TIE1: variants seen among roughly 807,000 people sequenced by gnomAD.
The protein encoded by TIE1 is tyrosine-protein kinase receptor Tie-1.
TIE1 carries 89 observed loss-of-function variants against 130.5 expected under a neutral mutation model. The observed-to-expected ratio is 0.68, with a 90% confidence interval of 0.57 to 0.81. The LOEUF is 0.81. Among genes scored for constraint, TIE1 ranks in the 40% least tolerant of loss-of-function variants. The probability of loss-of-function intolerance (pLI) is 0.00; values close to 1 mark genes in which losing one functional copy is unlikely to be tolerated. For missense variants in TIE1, 1,392 were observed against 1,559.8 expected (o/e 0.89, Z 1.81); for synonymous variants, 568 against 629.4 (o/e 0.90, Z 1.46).
chr1:43,311,141 T>C (rs550893140), intron 9 of TIE1, among the ~76,000 whole-genome samples: 1 of 152,192 alleles, frequency 6.6e-6, no homozygotes, highest in East Asian at 1.9e-4. Flanking sequence ...CTCCTTCTAG[T>C]TGTGTGTCCT....
At chr1:43,301,872 G>GA (rs1646674298) in intron 1 of TIE1, among the ~76,000 whole-genome samples, 1 of 151,920 alleles carries the variant, frequency 6.6e-6, no homozygotes, top group East Asian at 1.9e-4. Flanking sequence ...CATCTAAAAA[G>GA]AAAAAAAGAT....
chr1:43,320,046 G>A, intron 19 of TIE1: 1 of 188,850 alleles, frequency 5.3e-6, no homozygotes, highest in Non-Finnish European at 1.1e-5. Context: ...TGCCTGCATG[G>A]CTCACTGCTT....
Position 43,319,751 on chromosome 1 carries a change from G to A in TIE1, c.3107+222G>A. The A allele has an allele frequency of 1.7e-6, 1 of 577,990 alleles. No individual in the cohort carries two copies. The allele number at this position is 577,990 out of a possible 1,614,324, so 35.8% of individuals were successfully genotyped here. ...CAGGAATAGGACTGGGGTAAAGGTA[G>A]TTTCGGATTATGTTTGTGTAAGTGA... is the stretch of plus-strand genomic sequence containing the variant. On this transcript the variant is annotated intron_variant, in intron 19 of 22. Coordinates refer to ENST00000372476, the MANE Select transcript of TIE1 (RefSeq NM_005424.5). The surrounding 1 kb of genome is among the most constrained non-coding windows in gnomAD (Gnocchi z 4.7).
chr1:43,321,707 G>A lies in TIE1; in HGVS notation c.3337G>A (p.Ala1113Thr). ...GCTACAGCTAGGCCGCATGCTGGAA[G>A]CCAGGAAGGTGAGGAGACTGGGGCT... ...IALQLGRMLEARKAYVNMSLF... is the reference protein window; with the variant it reads ...IALQLGRMLETRKAYVNMSLF... Residue 1113 changes from alanine to threonine, a missense_variant, in exon 22 of 23, where the codon GCC (alanine) becomes ACC (threonine). This residue lies in a region of TIE1 where 104 missense variants were observed against 129.3 expected (regional missense o/e 0.80). Transcript: ENST00000372476. 1 of 1,552,402 alleles carries A rather than the reference G, an allele frequency of 6.4e-7. No individual in the cohort carries two copies. The highest frequency in any genetic ancestry group is 8.7e-7 in the Non-Finnish European group (1 of 1,147,356).
chr1:43,303,326 G>T (rs1646688925), intron 1 of TIE1, among the ~76,000 whole-genome samples: 1 of 152,122 alleles, frequency 6.6e-6, no homozygotes, highest in Non-Finnish European at 1.5e-5. Flanking sequence ...AACTGGGGGA[G>T]TGGGCGAGCT....
chr1:43,317,459 C>A lies in TIE1; in HGVS notation c.2620+50C>A, dbSNP rs1172590664. ...AGCCCTGATGCTCTCCTTTGTCCCACAAATCCCAGGCCCCACCTGGCTTCC... is the reference window on the plus strand; with the variant it reads ...AGCCCTGATGCTCTCCTTTGTCCCAAAAATCCCAGGCCCCACCTGGCTTCC... On this transcript the variant is annotated intron_variant, in intron 15 of 22. Coordinates refer to ENST00000372476, the MANE Select transcript of TIE1 (RefSeq NM_005424.5). This position sits in a 1 kb window ranked among gnomAD's most constrained non-coding sequence, Gnocchi z 5.1. 1 of 1,612,206 alleles carries A rather than the reference C, an allele frequency of 6.2e-7. No homozygotes were observed.
intron 1 of TIE1, among the ~76,000 whole-genome samples, chr1:43,303,990 A>C (rs1488126230): frequency 6.6e-6 from 1 of 152,224 alleles, no homozygotes; most frequent in Non-Finnish European, 1.5e-5. Flanking sequence ...TTTGGAAGGC[A>C]AACAAAGACC....
At position 43,309,140 on chromosome 1, in the gene TIE1, C is replaced by G. The variant is rs1646763042; in HGVS notation, c.1188+9C>G. 1 of 1,580,276 alleles carries G rather than the reference C, an allele frequency of 6.3e-7. No individual in the cohort carries two copies. The highest frequency in any genetic ancestry group is 1.3e-5 in the African/African-American group (1 of 74,474). On this transcript the variant is annotated intron_variant, in intron 8 of 22. Transcript: ENST00000372476. This position sits in a 1 kb window ranked among gnomAD's most constrained non-coding sequence, Gnocchi z 6.3. Reference sequence around the variant, plus strand: ...ACGGCACTGTGCTCCTGGTCAGCCCCCAATCACCCCAACCCACCAGCCCCT... The same window carrying G: ...ACGGCACTGTGCTCCTGGTCAGCCCGCAATCACCCCAACCCACCAGCCCCT...
Position 43,312,166 on chromosome 1 carries a change from C to CA in TIE1, c.1630+37dup. 1 of 1,516,520 alleles carries CA rather than the reference C, an allele frequency of 6.6e-7. No individual in the cohort carries two copies. Among genetic ancestry groups the CA allele is most frequent in the Non-Finnish European group, 8.8e-7 (1 of 1,131,970 alleles). The allele number at this position is 1,516,520 out of a possible 1,614,324, so 93.9% of individuals were successfully genotyped here. ...CAAGAGTCATCCCTTCCTGTCCCCC[C>CA]AAGGGTTACTTTCCCGTCGACCCCA... On this transcript the variant is annotated intron_variant, in intron 11 of 22. Transcript: ENST00000372476. This position sits in a 1 kb window ranked among gnomAD's most constrained non-coding sequence, Gnocchi z 5.6.
Position 43,319,941 on chromosome 1 carries a change from T to C in TIE1, c.3107+412T>C. 1 of 256,728 alleles carries C rather than the reference T, an allele frequency of 3.9e-6. No individual in the cohort carries two copies. Among genetic ancestry groups the C allele is most frequent in the East Asian group, 9.8e-5 (1 of 10,254 alleles). The allele number at this position is 256,728 out of a possible 1,614,324, so 15.9% of individuals were successfully genotyped here. On this transcript the variant is annotated intron_variant, in intron 19 of 22. Transcript: ENST00000372476. The surrounding 1 kb of genome is among the most constrained non-coding windows in gnomAD (Gnocchi z 4.7). Reference sequence around the variant, plus strand: ...CCCAAGACTCCCTCTCTGTGCCCCCTCCCCTGCAGACAGCCCTCTTGGCAC... The same window carrying C: ...CCCAAGACTCCCTCTCTGTGCCCCCCCCCCTGCAGACAGCCCTCTTGGCAC...
At position 43,322,964 on chromosome 1, in the gene TIE1, T is replaced by A; in HGVS notation, c.*242T>A. 2 of 516,906 alleles carry A rather than the reference T, an allele frequency of 3.9e-6. No homozygotes were observed. The highest frequency in any genetic ancestry group is 5.1e-5 in the South Asian group (2 of 39,442). The allele number at this position is 516,906 out of a possible 1,614,324, so 32.0% of individuals were successfully genotyped here. On this transcript the variant is annotated 3_prime_UTR_variant, in exon 23 of 23. Transcript: ENST00000372476. The surrounding 1 kb of genome is among the most constrained non-coding windows in gnomAD (Gnocchi z 4.0). ...CTAGTTCAGCTGCCCCACAGGTGTG[T>A]TTCCCATCCCACTGCTCCCCCAACA...
intron 19 of TIE1, 29 bp from the exon 20 acceptor site, chr1:43,321,240 G>GGTAA: frequency 6.2e-7 from 1 of 1,613,918 alleles, no homozygotes. Context: ...GGGCCTAGAA[G>GGTAA]GTAACTAAGT....
At position 43,312,640 on chromosome 1, in the gene TIE1, G is replaced by A. The variant is rs781550415; in HGVS notation, c.1927+39G>A. ...GCAAGGATAGCTGGGGGTTGGGGGA[G>A]GACGTGGGACACAGGGACACATGAG... On this transcript the variant is annotated intron_variant, in intron 12 of 22. Coordinates refer to ENST00000372476, the MANE Select transcript of TIE1 (RefSeq NM_005424.5). The surrounding 1 kb of genome is among the most constrained non-coding windows in gnomAD (Gnocchi z 5.6). The A allele has an allele frequency of 1.3e-6, 2 of 1,556,392 alleles. No individual in the cohort carries two copies. The highest frequency in any genetic ancestry group is 1.7e-6 in the Non-Finnish European group (2 of 1,150,440).
Position 43,312,118 on chromosome 1 carries a change from C to A in TIE1, c.1617C>A (p.Thr539=). ...CCTGGGGGCCTCCCACCCTCATGAC[C>A]ACAGACTGTCCTGGTGAGAGGCCAA... The part of the protein sequence containing the change: ...EGAWGPPTLM[T]TDCPEPLLQP... The change falls in exon 11 of 23, where the codon ACC becomes ACA. Residue 539 remains threonine, a synonymous_variant. Coordinates refer to ENST00000372476, the MANE Select transcript of TIE1 (RefSeq NM_005424.5). This position sits in a 1 kb window ranked among gnomAD's most constrained non-coding sequence, Gnocchi z 5.6. 1 of 1,564,896 alleles carries A rather than the reference C, an allele frequency of 6.4e-7. No homozygotes were observed. Among genetic ancestry groups the A allele is most frequent in the Non-Finnish European group, 8.7e-7 (1 of 1,155,488 alleles).
intron 7 of TIE1, among the ~76,000 whole-genome samples, chr1:43,308,239 G>A (rs1273691687): frequency 1.3e-5 from 2 of 152,240 alleles, no homozygotes; most frequent in African/African-American, 4.8e-5. Flanking sequence ...CTGGAAGCAG[G>A]TGTGATCTGA....
intron 7 of TIE1, 150 bp downstream of exon 7, chr1:43,308,074 T>A: frequency 8.2e-7 from 1 of 1,217,550 alleles, no homozygotes; most frequent in Non-Finnish European, 1.1e-6. Flanking sequence ...CAGGGAGCTC[T>A]GGCAGGGAGT....
Position 43,313,385 on chromosome 1 carries a change from G to A in TIE1, c.2178G>A (p.Gly726=). The change falls in exon 13 of 23, where the codon GGG becomes GGA. Residue 726 remains glycine (G), a synonymous_variant. Coordinates refer to ENST00000372476, the MANE Select transcript of TIE1 (RefSeq NM_005424.5). The surrounding 1 kb of genome is among the most constrained non-coding windows in gnomAD (Gnocchi z 6.2). ...TGCGGGCCAGCATTCAGGGGCTCGGGGACTGGAGCAACACAGTAGAAGAGT... is the reference window on the plus strand; with the variant it reads ...TGCGGGCCAGCATTCAGGGGCTCGGAGACTGGAGCAACACAGTAGAAGAGT... ...FRMRASIQGL[G]DWSNTVEEST... 6.2e-7 allele frequency: 1 copy of A among 1,614,012 alleles called. No individual in the cohort carries two copies. The highest frequency in any genetic ancestry group is 1.3e-5 in the African/African-American group (1 of 75,000).
intron 1 of TIE1, among the ~76,000 whole-genome samples, chr1:43,301,381 G>A (rs1370276762): frequency 6.6e-6 from 1 of 151,992 alleles, no homozygotes; most frequent in Non-Finnish European, 1.5e-5. Context: ...CAGCACTTTG[G>A]ATGGCTGAGA....
rs926685778 is a variant in TIE1 at position 43,318,156 on chromosome 1, G to T, written c.2922+84G>T. Reference sequence around the variant, plus strand: ...TGGAAGAAGTCAGCCGGCCCTGATTGTATCTGGGGATTGAGGTTCCTGGCC... The same window carrying T: ...TGGAAGAAGTCAGCCGGCCCTGATTTTATCTGGGGATTGAGGTTCCTGGCC... On this transcript the variant is annotated intron_variant, in intron 17 of 22. Transcript: ENST00000372476. The surrounding 1 kb of genome is among the most constrained non-coding windows in gnomAD (Gnocchi z 4.4). 5.5e-6 allele frequency: 8 copies of T among 1,461,478 alleles called. No individual in the cohort carries two copies. The Admixed American group carries it at 7.4e-5, about 14-fold the overall frequency. The allele number at this position is 1,461,478 out of a possible 1,614,324, so 90.5% of individuals were successfully genotyped here.
Sources: gnomAD v4.1 joint callset for allele counts (sites outside exome capture counted in the v4.1 genomes callset) on GRCh38, gnomAD v4.1.1 for gene constraint, gnomAD v4.1.1 regional missense constraint, Gnocchi (gnomAD v3.1) non-coding constraint, MANE v1.5 for transcripts, NCBI Gene and HGNC (gene_info 2026-07-23, HGNC 2026-07-21) for gene names.